The following DNM3 variants were observed in gnomAD, a reference collection of about 807,000 sequenced individuals.
The protein encoded by DNM3 is dynamin 3.
In DNM3, 47 loss-of-function variants were observed where a neutral mutation model predicts 101.6. The observed-to-expected ratio is 0.46, with a 90% CI of 0.37 to 0.59. The LOEUF is 0.59. Ranked by LOEUF, DNM3 falls within the 20% of genes least tolerant of loss-of-function variation. DNM3 has a pLI of 0.00. For synonymous variants in DNM3, 385 were observed against 387.9 expected (o/e 0.99, Z 0.09); for missense variants, 849 against 1,085.7 (o/e 0.78, Z 3.06).
At chr1:172,244,447 C>T (rs2061870846) in intron 14 of DNM3, among the ~76,000 whole-genome samples, 1 of 151,460 alleles carries the variant, frequency 6.6e-6, no homozygotes, top group Non-Finnish European at 1.5e-5. Context: ...ATTTTCGCAA[C>T]CTACTCATCT....
intron 13 of DNM3, among the ~76,000 whole-genome samples, chr1:172,122,321 C>A (rs2056372627): frequency 6.6e-6 from 1 of 152,138 alleles, no homozygotes; most frequent in African/African-American, 2.4e-5. Context: ...AGGTACTAAT[C>A]TAAATCCTTT....
At chr1:171,858,932 A>G (rs187129256) in intron 1 of DNM3, among the ~76,000 whole-genome samples, 153 of 152,296 alleles carry the variant, frequency 1.0e-3, no homozygotes, top group African/African-American at 3.5e-3. Context: ...TCTGGACTAT[A>G]ACAATAGACT....
At position 172,233,181 on chromosome 1, in the gene DNM3, T is replaced by C. The variant is rs186235246; in HGVS notation, c.1660-20392T>C. ...AGAAAACAGAGAAGAATCAAATAGA[T>C]GCAATAAAAAATGATAAAGGGGATA... On this transcript the variant is annotated intron_variant, in intron 14 of 20. Coordinates refer to ENST00000627582, the MANE Select transcript of DNM3 (RefSeq NM_015569.5). 4.3e-3 allele frequency among the ~76,000 whole-genome samples: 659 copies of C among 151,890 alleles called. 10 individuals carry two copies. The highest frequency in any genetic ancestry group is 0.015 in the African/African-American group (619 of 41,412).
intron 13 of DNM3, among the ~76,000 whole-genome samples, chr1:172,121,413 A>G (rs1304022264): frequency 6.6e-6 from 1 of 152,264 alleles, no homozygotes; most frequent in African/African-American, 2.4e-5. Flanking sequence ...CATCTTTAGA[A>G]ATAATTTTAA....
At chr1:171,942,884 G>A (rs925967804) in intron 2 of DNM3, among the ~76,000 whole-genome samples, 14 of 152,156 alleles carry the variant, frequency 9.2e-5, no homozygotes, top group African/African-American at 3.4e-4. Flanking sequence ...AGCTGAGGCA[G>A]GAGGACTGCT....
At chr1:171,902,359 T>C (rs2125235114) in intron 1 of DNM3, among the ~76,000 whole-genome samples, 1 of 152,336 alleles carries the variant, frequency 6.6e-6, no homozygotes, top group East Asian at 1.9e-4. Context: ...AAAATGAAAG[T>C]AAAAATGCTC....
intron 14 of DNM3, among the ~76,000 whole-genome samples, chr1:172,227,240 CT>C (rs1181409485): frequency 9.4e-5 from 10 of 106,694 alleles, no homozygotes; most frequent in Admixed American, 5.4e-4. Flanking sequence ...ACATTTCATT[CT>C]TTTTTTTTAA....
chr1:172,177,532 T>C (rs1431793972), intron 14 of DNM3, among the ~76,000 whole-genome samples: 1 of 151,810 alleles, frequency 6.6e-6, no homozygotes, highest in African/African-American at 2.4e-5. Context: ...TAAAACCAAG[T>C]TGGATAATTG....
At chr1:171,980,373 A>G (rs1030438132) in intron 2 of DNM3, among the ~76,000 whole-genome samples, 1 of 152,162 alleles carries the variant, frequency 6.6e-6, no homozygotes, top group African/African-American at 2.4e-5. Flanking sequence ...ATATTTCAGT[A>G]TATATATACC....
chr1:171,928,581 C>T (rs1345525269), intron 2 of DNM3, among the ~76,000 whole-genome samples: 3 of 152,110 alleles, frequency 2.0e-5, no homozygotes, highest in Non-Finnish European at 4.4e-5. Flanking sequence ...GTCTGGCCTT[C>T]CTCCTTAGGT....
intron 14 of DNM3, among the ~76,000 whole-genome samples, chr1:172,211,253 T>A (rs957285710): frequency 6.6e-6 from 1 of 152,034 alleles, no homozygotes; most frequent in African/African-American, 2.4e-5. Context: ...TTATCATCAC[T>A]CCGTAATTAC....
chr1:172,317,637 A>C lies in DNM3; in HGVS notation c.1882-5692A>C, dbSNP rs183918936. Among the ~76,000 whole-genome samples, 640 of 152,378 alleles carry C rather than the reference A, an allele frequency of 4.2e-3. 10 individuals are homozygous for C. Among genetic ancestry groups the C allele is most frequent in the African/African-American group, 0.014 (601 of 41,588 alleles). Reference sequence around the variant, plus strand: ...TCTATGCAAATAAACTAGAAAATCTAGAAGAAATGGATAAATTTCTCGACA... The same window carrying C: ...TCTATGCAAATAAACTAGAAAATCTCGAAGAAATGGATAAATTTCTCGACA... On this transcript the variant is annotated intron_variant, in intron 16 of 20. Coordinates refer to ENST00000627582, the MANE Select transcript of DNM3 (RefSeq NM_015569.5).
chr1:172,235,194 G>A (rs986109478), intron 14 of DNM3, among the ~76,000 whole-genome samples: 4 of 152,120 alleles, frequency 2.6e-5, no homozygotes, highest in Admixed American at 6.6e-5. Flanking sequence ...AAGGATATGA[G>A]CAGACACTTC....
intron 8 of DNM3, among the ~76,000 whole-genome samples, chr1:172,042,497 C>CA (rs1178975538): frequency 6.6e-6 from 1 of 152,086 alleles, no homozygotes; most frequent in Middle Eastern, 3.2e-3. Flanking sequence ...AGAAAATTAA[C>CA]AAATAGACAA....
At chr1:172,194,666 G>A (rs1285022676) in intron 14 of DNM3, among the ~76,000 whole-genome samples, 1 of 152,012 alleles carries the variant, frequency 6.6e-6, no homozygotes, top group African/African-American at 2.4e-5. Context: ...TGCTTTATCA[G>A]AGACTAGGAT....
chr1:171,868,840 G>A (rs1423309436), intron 1 of DNM3, among the ~76,000 whole-genome samples: 1 of 151,962 alleles, frequency 6.6e-6, no homozygotes, highest in African/African-American at 2.4e-5. Context: ...CTGGAGTGCA[G>A]TGGCGCAATC....
chr1:171,990,178 A>C lies in DNM3; in HGVS notation c.589+1030A>C, dbSNP rs539435924. Among the ~76,000 whole-genome samples the C allele has an allele frequency of 2.3e-3, 349 of 152,204 alleles. 3 individuals carry two copies. Among genetic ancestry groups the C allele is most frequent in the Non-Finnish European group, 3.9e-3 (267 of 67,988 alleles). On this transcript the variant is annotated intron_variant, in intron 4 of 20. Transcript: ENST00000627582. ...GAGCTTTTTGAAGGTTTTCTTTTGT[A>C]ATCTACATTGTCTGAATCTATTGTT...
intron 15 of DNM3, among the ~76,000 whole-genome samples, chr1:172,290,612 A>G (rs989580763): frequency 1.3e-5 from 2 of 152,084 alleles, no homozygotes; most frequent in Non-Finnish European, 2.9e-5. Context: ...AAAATATACA[A>G]TCTCTGTGGC....
In DNM3 at chr1:171,911,543, G is replaced by A. The variant is rs550996745; in HGVS notation, c.162-10205G>A. ...GGTGATCCGCCCGCCTCGGCCTCCC[G>A]AAGTGCTGGGATTACAGGTGTGAGC... On this transcript the variant is annotated intron_variant, in intron 1 of 20. Transcript: ENST00000627582. Among the ~76,000 whole-genome samples, 318 of 152,158 alleles carry A rather than the reference G, an allele frequency of 2.1e-3. 4 individuals are homozygous for A. Among genetic ancestry groups the A allele is most frequent in the African/African-American group, 7.3e-3 (305 of 41,540 alleles).
Sources: gnomAD v4.1 joint callset for allele counts (sites outside exome capture counted in the v4.1 genomes callset) on GRCh38, gnomAD v4.1.1 for gene constraint, MANE v1.5 for transcripts, NCBI Gene and HGNC (gene_info 2026-07-23, HGNC 2026-07-21) for gene names.